Variants in PELI1 observed in about 807,000 individuals in gnomAD.
PELI1 encodes E3 ubiquitin-protein ligase pellino homolog 1.
PELI1 carries 15 observed loss-of-function variants against 41.3 expected under a neutral mutation model. The observed-to-expected ratio is 0.36, with a 90% CI of 0.24 to 0.56. The LOEUF is 0.56. Ranked by LOEUF, PELI1 falls within the 20% of genes least tolerant of loss-of-function variation. PELI1 has a pLI of 0.82. For missense variants in PELI1, 403 were observed against 525.5 expected, an observed-to-expected ratio of 0.77 and a Z score of 2.28; for synonymous variants, 178 against 180.1, an observed-to-expected ratio of 0.99 and a Z score of 0.09.
intron 2 of PELI1, among the ~76,000 whole-genome samples, 162 bp from the exon 3 acceptor site, chr2:64,104,992 T>C (rs1355295340): frequency 6.6e-6 from 1 of 152,232 alleles, no homozygotes; most frequent in Non-Finnish European, 1.5e-5. Flanking sequence ...CCATACCAGG[T>C]GCCAGTGTGT....
intron 1 of PELI1, among the ~76,000 whole-genome samples, chr2:64,115,517 A>G (rs1036908231): frequency 5.9e-5 from 9 of 152,214 alleles, no homozygotes; most frequent in African/African-American, 2.2e-4. Context: ...TCTATTTTCC[A>G]GATAAGGGAA....
chr2:64,099,806 T>G (rs1265866799), intron 4 of PELI1, among the ~76,000 whole-genome samples: 1 of 150,564 alleles, frequency 6.6e-6, no homozygotes, highest in African/African-American at 2.5e-5. Flanking sequence ...TGTCCTAAAA[T>G]CTATCAGTTT....
intron 3 of PELI1, 56 bp downstream of exon 3, chr2:64,104,645 A>G (rs1380802229): frequency 6.6e-7 from 1 of 1,522,612 alleles, no homozygotes; most frequent in Non-Finnish European, 8.8e-7. Flanking sequence ...AACAACACAT[A>G]AAAGTCTTTC....
In PELI1 at chr2:64,135,823, T is replaced by G. The variant is rs143835235; in HGVS notation, c.-70+8258A>C. Among the ~76,000 whole-genome samples, 294 of 152,342 alleles carry G rather than the reference T, an allele frequency of 1.9e-3. 2 individuals are homozygous for G. Among genetic ancestry groups the G allele is most frequent in the African/African-American group, 5.6e-3 (232 of 41,576 alleles). ...TCAACATGAAATGTAAGATGCACTTTTGCAAAGCAATAACTTCTCTTCAAA... is the reference window on the plus strand; with the variant it reads ...TCAACATGAAATGTAAGATGCACTTGTGCAAAGCAATAACTTCTCTTCAAA... On this transcript the variant is annotated intron_variant, in intron 1 of 6. Coordinates refer to ENST00000358912, the MANE Select transcript of PELI1 (RefSeq NM_020651.4).
chr2:64,121,644 G>A (rs752782980), intron 1 of PELI1, among the ~76,000 whole-genome samples: 3 of 152,068 alleles, frequency 2.0e-5, no homozygotes, highest in African/African-American at 4.8e-5. Context: ...CATGGCCCAC[G>A]CCTGTAATCC....
At chr2:64,100,620 C>A in intron 3 of PELI1, 121 bp from the exon 4 acceptor site, 1 of 683,166 alleles carries the variant, frequency 1.5e-6, no homozygotes. Flanking sequence ...CATTTTCCCC[C>A]TGAAATTTAG....
chr2:64,133,826 G>C (rs1425184652), intron 1 of PELI1, among the ~76,000 whole-genome samples: 1 of 139,902 alleles, frequency 7.1e-6, no homozygotes. Context: ...ACCTCAGATG[G>C]TTTTATGGGC....
chr2:64,094,933 A>G lies in PELI1; in HGVS notation c.1026T>C (p.Tyr342=), dbSNP rs1489384985. Residue 342 remains tyrosine, a synonymous_variant, in exon 7 of 7, where the codon TAT becomes TAC. Transcript: ENST00000358912. ...CTTCACATCCAAGCCACAGAGGAAC[A>G]TAGGGACCAACAGACCTACACATAG... ...ECPMCRSVGP[Y]VPLWLGCEAG... The G allele has an allele frequency of 6.2e-7, 1 of 1,612,696 alleles. No individual in the cohort carries two copies. The highest frequency in any genetic ancestry group is 8.5e-7 in the Non-Finnish European group (1 of 1,179,614).
intron 3 of PELI1, among the ~76,000 whole-genome samples, chr2:64,103,633 C>T (rs1352196642): frequency 1.3e-5 from 2 of 152,186 alleles, no homozygotes; most frequent in Non-Finnish European, 2.9e-5. Flanking sequence ...CAAATAGTAA[C>T]AGAGGAGTCC....
Position 64,108,343 on chromosome 2 carries a change from C to CT in PELI1, c.-34dup. ...GCTGTCTTTCTCAAATCTTTGTTCA[C>CT]TGGTCAGGAGCCTTGGGACACCTTT... On this transcript the variant is annotated 5_prime_UTR_variant, in exon 2 of 7. Coordinates refer to ENST00000358912, the MANE Select transcript of PELI1 (RefSeq NM_020651.4). 7.3e-7 allele frequency: 1 copy of CT among 1,366,706 alleles called. No individual in the cohort carries two copies. The highest frequency in any genetic ancestry group is 1.0e-6 in the Non-Finnish European group (1 of 954,708). 84.7% of individuals were successfully genotyped at this position (1,366,706 alleles called of 1,614,324 possible).
At chr2:64,095,605 G>A (rs186671058) in intron 6 of PELI1, among the ~76,000 whole-genome samples, 115 of 152,292 alleles carry the variant, frequency 7.6e-4, no homozygotes, top group Admixed American at 2.6e-3. Context: ...TTTAGTTTAA[G>A]AAAGCTTAGG....
At chr2:64,098,705 G>T (rs1273740464) in intron 4 of PELI1, among the ~76,000 whole-genome samples, 2 of 152,180 alleles carry the variant, frequency 1.3e-5, no homozygotes, top group Non-Finnish European at 2.9e-5. Context: ...GTTGGAGTTG[G>T]AATATCTGAT....
At chr2:64,132,608 T>C (rs1269315807) in intron 1 of PELI1, among the ~76,000 whole-genome samples, 1 of 152,124 alleles carries the variant, frequency 6.6e-6, no homozygotes, top group Non-Finnish European at 1.5e-5. Flanking sequence ...AAGTTCATTC[T>C]GGAAAGGGAA....
chr2:64,118,905 AAAC>A lies in PELI1; in HGVS notation c.-69-10529_-69-10527del, dbSNP rs563269315. Among the ~76,000 whole-genome samples the A allele has an allele frequency of 3.0e-3, 453 of 152,318 alleles. 2 individuals are homozygous for A. Among genetic ancestry groups the A allele is most frequent in the Non-Finnish European group, 4.3e-3 (295 of 68,024 alleles). ...TGACAGCATCACCATTCTGGCTACG[AAAC>A]AACAACATAATTCTCAAATTTGTAA... On this transcript the variant is annotated intron_variant, in intron 1 of 6. Coordinates refer to ENST00000358912, the MANE Select transcript of PELI1 (RefSeq NM_020651.4).
chr2:64,135,524 A>C (rs950077320), intron 1 of PELI1, among the ~76,000 whole-genome samples: 1 of 152,192 alleles, frequency 6.6e-6, no homozygotes, highest in African/African-American at 2.4e-5. Context: ...GCAGACAAAC[A>C]TAGAAAACGC....
intron 1 of PELI1, among the ~76,000 whole-genome samples, chr2:64,137,355 C>A (rs187500122): frequency 6.6e-6 from 1 of 152,186 alleles, no homozygotes; most frequent in South Asian, 2.1e-4. Flanking sequence ...TATGCCATAG[C>A]GACAAGACTT....
At chr2:64,120,083 AATTTT>A (rs1332181383) in intron 1 of PELI1, among the ~76,000 whole-genome samples, 1 of 152,232 alleles carries the variant, frequency 6.6e-6, no homozygotes, top group Admixed American at 6.5e-5. Flanking sequence ...TATTCTTTAC[AATTTT>A]AAAATAAATT....
chr2:64,106,209 TG>T (rs2103686168), intron 2 of PELI1: 1 of 152,374 alleles, frequency 6.6e-6, no homozygotes, highest in East Asian at 1.9e-4. Context: ...ATCCCACTTC[TG>T]GATCTTGCTC....
chr2:64,097,318 A>C (rs1306261805), intron 4 of PELI1, among the ~76,000 whole-genome samples: 1 of 152,230 alleles, frequency 6.6e-6, no homozygotes, highest in Non-Finnish European at 1.5e-5. Flanking sequence ...TTTCAGAGAA[A>C]AGTATTTCAA....
Sources: gnomAD v4.1 joint callset for allele counts (sites outside exome capture counted in the v4.1 genomes callset) on GRCh38, gnomAD v4.1.1 for gene constraint, MANE v1.5 for transcripts, NCBI Gene and HGNC (gene_info 2026-07-23, HGNC 2026-07-21) for gene names.